Variants in TRIM77 observed in about 807,000 individuals in gnomAD.
The protein encoded by TRIM77 is tripartite motif-containing protein 77.
TRIM77 carries 23 observed loss-of-function variants against 31.8 expected under a neutral mutation model. That is an observed-to-expected ratio of 0.72 (90% CI 0.52 to 1.02). The LOEUF is 1.02. Ranked by LOEUF, TRIM77 falls within the 50% of genes least tolerant of loss-of-function variation. The pLI is 0.00. For missense variants in TRIM77, 446 were observed against 539.2 expected (o/e 0.83, Z 1.71); for synonymous variants, 159 against 183.1 (o/e 0.87, Z 1.06).
In TRIM77 at chr11:89,717,713, C is replaced by T. The variant is rs2134549607; in HGVS notation, c.1194C>T (p.His398=). 1 of 1,551,308 alleles carries T rather than the reference C, an allele frequency of 6.4e-7. No homozygotes were observed. The highest frequency in any genetic ancestry group is 1.2e-5 in the South Asian group (1 of 84,048). ...SLFSTSPLLP[H]YIPRPQGWLG... is the part of the protein sequence containing the mutation. Reference sequence around the variant, plus strand: ...TCTCTACCTCCCCACTGTTACCTCACTATATTCCAAGGCCCCAAGGCTGGC... The same window carrying T: ...TCTCTACCTCCCCACTGTTACCTCATTATATTCCAAGGCCCCAAGGCTGGC... The change falls in exon 6 of 6, where the codon CAC becomes CAT. Residue 398 remains histidine (H), a synonymous_variant. Coordinates refer to ENST00000398290, the MANE Select transcript of TRIM77 (RefSeq NM_001146162.1).
At chr11:89,715,090 G>T (rs370205374) in intron 3 of TRIM77, 68 bp from the exon 4 acceptor site, 15 of 1,473,058 alleles carry the variant, frequency 1.0e-5, no homozygotes, top group Middle Eastern at 3.5e-4. Context: ...TCCTCAGACT[G>T]CATGTCTAGG....
In TRIM77 at chr11:89,715,941, T is replaced by C. The variant is rs781541698; in HGVS notation, c.813T>C (p.Ser271=). The change falls in exon 5 of 6, where the codon AGT becomes AGC. Residue 271 remains serine, a synonymous_variant. Coordinates refer to ENST00000398290, the MANE Select transcript of TRIM77 (RefSeq NM_001146162.1). ...AMPQPVNPQL[S]AWTITGVSER... ...CTCAGCCTGTGAACCCACAGCTCAG[T>C]GCATGGACCATCACTGGGGTGTCAG... 43 of 1,548,842 alleles carry C rather than the reference T, an allele frequency of 2.8e-5. No homozygotes were observed. The South Asian group carries it at 5.1e-4, about 18-fold the overall frequency.
At chr11:89,712,047 T>C (rs552685840) in intron 2 of TRIM77, among the ~76,000 whole-genome samples, 6 of 152,204 alleles carry the variant, frequency 3.9e-5, no homozygotes, top group Non-Finnish European at 5.9e-5. Context: ...AATGTACTTA[T>C]GGCCAGGTCT....
intron 3 of TRIM77, 80 bp from the exon 4 acceptor site, chr11:89,715,078 T>A (rs1949150780): frequency 7.2e-7 from 1 of 1,388,766 alleles, no homozygotes; most frequent in East Asian, 2.5e-5. Context: ...ATTCAGTCCA[T>A]ATCCTCAGAC....
Position 89,711,499 on chromosome 11 carries a change from A to G in TRIM77, c.501A>G (p.Thr167=). 6.6e-7 allele frequency: 1 copy of G among 1,509,722 alleles called. No individual in the cohort carries two copies. The highest frequency in any genetic ancestry group is 1.3e-5 in the South Asian group (1 of 77,682). 93.5% of individuals were successfully genotyped at this position (1,509,722 alleles called of 1,614,324 possible). ...NLNRETNIIG[T]WEVFINLRSM... is the part of the protein sequence containing the mutation. Reference sequence around the variant, plus strand: ...ACAGAGAGACCAACATAATCGGAACATGGGAAGTAAGCAGTAAGCTCATTT... The same window carrying G: ...ACAGAGAGACCAACATAATCGGAACGTGGGAAGTAAGCAGTAAGCTCATTT... Residue 167 remains threonine, a synonymous_variant, in exon 2 of 6, where the codon ACA becomes ACG. Coordinates refer to ENST00000398290, the MANE Select transcript of TRIM77 (RefSeq NM_001146162.1).
chr11:89,716,226 T>C (rs1227971052), intron 5 of TRIM77, among the ~76,000 whole-genome samples: 8 of 151,852 alleles, frequency 5.3e-5, no homozygotes, highest in African/African-American at 1.9e-4. Flanking sequence ...TTTTAAGTGA[T>C]TAAAAAAAAA....
At chr11:89,716,375 G>T (rs1434609334) in intron 5 of TRIM77, among the ~76,000 whole-genome samples, 1 of 152,098 alleles carries the variant, frequency 6.6e-6, no homozygotes, top group Non-Finnish European at 1.5e-5. Context: ...TCTTAATGTT[G>T]TTATTCGAAT....
At chr11:89,714,485 G>C in intron 3 of TRIM77, 63 bp downstream of exon 3, 1 of 1,096,866 alleles carries the variant, frequency 9.1e-7, no homozygotes, top group East Asian at 2.6e-5. Flanking sequence ...ATCTGCTAGA[G>C]TCTATATCCT....
At chr11:89,712,541 C>T (rs1949129470) in intron 2 of TRIM77, among the ~76,000 whole-genome samples, 2 of 152,052 alleles carry the variant, frequency 1.3e-5, no homozygotes, top group South Asian at 2.1e-4. Context: ...TCTATGCTGG[C>T]CAAGAAGAAC....
rs1242694340 is a variant in TRIM77, at chr11:89,714,186, C to T, written c.508-6C>T. 15 of 1,535,292 alleles carry T rather than the reference C, an allele frequency of 9.8e-6. No homozygotes were observed. The highest frequency in any genetic ancestry group is 1.1e-5 in the Non-Finnish European group (13 of 1,135,244). ...ACATGATTTAATTAATCAACTATCA[C>T]TACAGGTTTTTATAAATTTGCGGAG... is the stretch of plus-strand genomic sequence containing the variant. On this transcript the variant is annotated splice_region_variant and splice_polypyrimidine_tract_variant and intron_variant, in intron 2 of 5. Coordinates refer to ENST00000398290, the MANE Select transcript of TRIM77 (RefSeq NM_001146162.1).
rs1464892306 is a variant in TRIM77, at chr11:89,717,725, G to A, written c.1206G>A (p.Arg402=). The change falls in exon 6 of 6, where the codon AGG becomes AGA. Residue 402 remains arginine (R), a synonymous_variant. Coordinates refer to ENST00000398290, the MANE Select transcript of TRIM77 (RefSeq NM_001146162.1). Reference sequence around the variant, plus strand: ...CACTGTTACCTCACTATATTCCAAGGCCCCAAGGCTGGCTAGGGGTGTTCC... The same window carrying A: ...CACTGTTACCTCACTATATTCCAAGACCCCAAGGCTGGCTAGGGGTGTTCC... The part of the protein sequence containing the change: ...TSPLLPHYIP[R]PQGWLGVFLD... 3 of 1,551,216 alleles carry A rather than the reference G, an allele frequency of 1.9e-6. No homozygotes were observed. The highest frequency in any genetic ancestry group is 3.9e-5 in the Admixed American group (2 of 50,976).
chr11:89,712,390 C>T (rs192547580), intron 2 of TRIM77, among the ~76,000 whole-genome samples: 8 of 152,186 alleles, frequency 5.3e-5, no homozygotes, highest in African/African-American at 1.7e-4. Context: ...AGAAATAGAT[C>T]GCTTACCCTA....
intron 2 of TRIM77, among the ~76,000 whole-genome samples, chr11:89,712,281 T>C (rs544450241): frequency 4.6e-5 from 7 of 152,248 alleles, no homozygotes; most frequent in African/African-American, 1.7e-4. Context: ...GTTGATCATT[T>C]CAGATGGATT....
chr11:89,712,000 G>GA (rs1465033651), intron 2 of TRIM77, among the ~76,000 whole-genome samples: 1 of 152,174 alleles, frequency 6.6e-6, no homozygotes, highest in Non-Finnish European at 1.5e-5. Flanking sequence ...ATTAATTCAT[G>GA]AAAAAGAGTC....
chr11:89,715,060 G>A, intron 3 of TRIM77, 98 bp from the exon 4 acceptor site: 1 of 1,210,420 alleles, frequency 8.3e-7, no homozygotes, highest in Non-Finnish European at 1.1e-6. Flanking sequence ...AAGACGTTAA[G>A]TTTTCCAATT....
chr11:89,711,323 T>C, intron 1 of TRIM77, 87 bp from the exon 2 acceptor site: 1 of 647,272 alleles, frequency 1.5e-6, no homozygotes, highest in East Asian at 3.2e-5. Context: ...ACTCTTTACT[T>C]GTCCCATGTC....
intron 5 of TRIM77, among the ~76,000 whole-genome samples, chr11:89,716,864 A>G (rs190587313): frequency 4.6e-5 from 7 of 152,200 alleles, no homozygotes; most frequent in South Asian, 2.1e-4. Context: ...TATTTTGCGA[A>G]AATTGGTTAA....
chr11:89,714,376 A>T lies in TRIM77; in HGVS notation c.692A>T (p.Glu231Val). ...GGTATACTCCTGAGAGAAATGTATG[A>T]GAAACTGAAGGAAATGAGCTGTAAA... ...KMGILLREMY[E>V]KLKEMSCKAD... The change falls in exon 3 of 6, where the codon GAG (glutamate) becomes GTG (valine). Residue 231 changes from glutamate to valine, a missense_variant. Physicochemically the swap from Glu to Val is moderately radical, Grantham distance 121. Transcript: ENST00000398290. The T allele has an allele frequency of 6.4e-7, 1 of 1,551,696 alleles. No homozygotes were observed. Among genetic ancestry groups the T allele is most frequent in the East Asian group, 2.4e-5 (1 of 40,908 alleles).
rs1421789199 is a variant in TRIM77 at position 89,710,705 on chromosome 11, A to G, written c.407A>G (p.Tyr136Cys). 1.3e-6 allele frequency: 2 copies of G among 1,530,546 alleles called. No homozygotes were observed. Among genetic ancestry groups the G allele is most frequent in the Non-Finnish European group, 1.8e-6 (2 of 1,135,194 alleles). 94.8% of individuals were successfully genotyped at this position (1,530,546 alleles called of 1,614,324 possible). A position where few individuals can be genotyped will look rare whatever the true frequency, so the allele number is the denominator to read the frequency against. ...HYMTREADEYYRKKLLIQMKS... is the reference protein window; with the variant it reads ...HYMTREADEYCRKKLLIQMKS... ...ATGACAAGGGAGGCTGATGAATACT[A>G]TAGGGTAAGTAAATGCTACTGATTG... Residue 136 changes from tyrosine to cysteine, a missense_variant, in exon 1 of 6, where the codon TAT becomes TGT. This residue lies in a region of TRIM77 where 366 missense variants were observed against 447.9 expected (regional missense o/e 0.82). Transcript: ENST00000398290.
Sources: gnomAD v4.1 joint callset for allele counts (sites outside exome capture counted in the v4.1 genomes callset) on GRCh38, gnomAD v4.1.1 for gene constraint, gnomAD v4.1.1 regional missense constraint, MANE v1.5 for transcripts, NCBI Gene and HGNC (gene_info 2026-07-23, HGNC 2026-07-21) for gene names.